The following NEO1 variants were observed in gnomAD, a reference collection of about 807,000 sequenced individuals.
NEO1 encodes the protein neogenin.
NEO1 carries 63 observed loss-of-function variants against 159.7 expected under a neutral mutation model. That is an observed-to-expected ratio of 0.39 (90% confidence interval 0.32 to 0.49). NEO1 has a LOEUF of 0.49. NEO1 is among the 20% of genes least tolerant of loss of function. The probability of loss-of-function intolerance (pLI) is 0.85; values close to 1 mark genes in which losing one functional copy is unlikely to be tolerated. For synonymous variants in NEO1, 633 were observed against 662.0 expected (o/e 0.96, Z 0.67); for missense variants, 1,615 against 1,831.0 (o/e 0.88, Z 2.15).
chr15:73,073,673 G>C (rs1044614110), intron 1 of NEO1, among the ~76,000 whole-genome samples: 2 of 152,084 alleles, frequency 1.3e-5, no homozygotes, highest in Non-Finnish European at 1.5e-5. Flanking sequence ...AAGAACAGGT[G>C]AATATTATTG....
chr15:73,236,311 C>A, intron 7 of NEO1, 36 bp from the exon 8 acceptor site: 1 of 1,614,074 alleles, frequency 6.2e-7, no homozygotes, highest in East Asian at 2.2e-5. Context: ...ACATTACCTC[C>A]CACTTCACTG....
intron 7 of NEO1, among the ~76,000 whole-genome samples, chr15:73,230,559 AT>A (rs1440670295): frequency 6.6e-6 from 1 of 152,202 alleles, no homozygotes; most frequent in South Asian, 2.1e-4. Flanking sequence ...GCATCCTGTA[AT>A]TTTTAATACA....
chr15:73,210,062 A>G (rs567477872), intron 7 of NEO1, among the ~76,000 whole-genome samples: 2 of 152,312 alleles, frequency 1.3e-5, no homozygotes, highest in Admixed American at 6.5e-5. Flanking sequence ...ACATTGCCAT[A>G]TAGATCCTAT....
At chr15:73,174,812 A>G (rs951418973) in intron 5 of NEO1, among the ~76,000 whole-genome samples, 1 of 152,240 alleles carries the variant, frequency 6.6e-6, no homozygotes, top group African/African-American at 2.4e-5. Context: ...AAAAGAATAA[A>G]TACAAAAGGC....
chr15:73,215,238 CT>C (rs1160466415), intron 7 of NEO1, among the ~76,000 whole-genome samples: 2 of 152,180 alleles, frequency 1.3e-5, no homozygotes, highest in Admixed American at 1.3e-4. Context: ...GACAGTTTGA[CT>C]TCCTCTTTAC....
chr15:73,164,833 A>G (rs1441644411), intron 5 of NEO1, among the ~76,000 whole-genome samples: 3 of 152,248 alleles, frequency 2.0e-5, no homozygotes, highest in South Asian at 4.1e-4. Context: ...TTGACCTACT[A>G]TGCTATATAT....
intron 5 of NEO1, among the ~76,000 whole-genome samples, chr15:73,172,743 C>G (rs2035045728): frequency 6.6e-6 from 1 of 152,202 alleles, no homozygotes; most frequent in South Asian, 2.1e-4. Flanking sequence ...AACAGATAAG[C>G]ACTACACTGG....
intron 4 of NEO1, among the ~76,000 whole-genome samples, chr15:73,132,684 A>T (rs1411947389): frequency 6.6e-6 from 1 of 152,190 alleles, no homozygotes; most frequent in Non-Finnish European, 1.5e-5. Flanking sequence ...CAAACAAATC[A>T]GTGAGAAAAA....
At chr15:73,124,187 G>C (rs1050178934) in intron 3 of NEO1, among the ~76,000 whole-genome samples, 1 of 151,900 alleles carries the variant, frequency 6.6e-6, no homozygotes, top group South Asian at 2.1e-4. Context: ...CTCAGCCTAC[G>C]AGTAGCTGGG....
intron 26 of NEO1, 90 bp from the exon 27 acceptor site, chr15:73,298,258 T>A: frequency 1.3e-6 from 2 of 1,535,600 alleles, no homozygotes; most frequent in Non-Finnish European, 1.8e-6. Flanking sequence ...ATTGAGCTGG[T>A]TTAGGGAACC....
chr15:73,265,883 C>T lies in NEO1; in HGVS notation c.2399-433C>T, dbSNP rs571281858. Among the ~76,000 whole-genome samples, 123 of 152,366 alleles carry T rather than the reference C, an allele frequency of 8.1e-4. 1 individual carries two copies. The highest frequency in any genetic ancestry group is 3.9e-3 in the South Asian group (19 of 4,828). On this transcript the variant is annotated intron_variant, in intron 15 of 28. Coordinates refer to ENST00000261908, the MANE Select transcript of NEO1 (RefSeq NM_002499.4). ...AGAGTCAAGGACATTGAGCACTTAA[C>T]TGACTTAACAGTTTATCTCCTTCTT...
chr15:73,053,307 C>T (rs2067550826), intron 1 of NEO1, among the ~76,000 whole-genome samples: 1 of 152,146 alleles, frequency 6.6e-6, no homozygotes, highest in African/African-American at 2.4e-5. Flanking sequence ...AGGGACTCCT[C>T]GCGCGGGGAT....
intron 1 of NEO1, among the ~76,000 whole-genome samples, chr15:73,102,819 C>G (rs2070476136): frequency 2.0e-5 from 3 of 152,188 alleles, no homozygotes; most frequent in African/African-American, 7.2e-5. Context: ...ATTCTTCATT[C>G]TGAATCTCTC....
intron 7 of NEO1, among the ~76,000 whole-genome samples, chr15:73,199,220 G>GT (rs2152045958): frequency 6.6e-6 from 1 of 151,022 alleles, no homozygotes; most frequent in Non-Finnish European, 1.5e-5. Context: ...TGGGATATGG[G>GT]TTTTTGAGAG....
chr15:73,165,700 T>G (rs1055808204), intron 5 of NEO1, among the ~76,000 whole-genome samples: 1 of 152,136 alleles, frequency 6.6e-6, no homozygotes, highest in Non-Finnish European at 1.5e-5. Context: ...AACAAAAGTT[T>G]AATAAGTGAA....
chr15:73,268,213 G>A (rs1192444342), intron 16 of NEO1, among the ~76,000 whole-genome samples: 1 of 152,042 alleles, frequency 6.6e-6, no homozygotes, highest in Non-Finnish European at 1.5e-5. Context: ...TTACAAAAAG[G>A]AGCAAAAATT....
intron 1 of NEO1, among the ~76,000 whole-genome samples, chr15:73,064,317 G>A (rs558493902): frequency 6.6e-6 from 1 of 152,280 alleles, no homozygotes; most frequent in African/African-American, 2.4e-5. Context: ...CTCATGTTTT[G>A]TGCTCATATG....
intron 22 of NEO1, among the ~76,000 whole-genome samples, chr15:73,279,350 G>GTTTTTTTTTTTTTTTT (rs1567679061): frequency 3.4e-5 from 2 of 58,130 alleles, no homozygotes; most frequent in Non-Finnish European, 1.1e-4. Flanking sequence ...TTTTGGTTTT[G>GTTTTTTTTTTTTTTTT]GTTTTTTTTT....
chr15:73,282,941 A>G, intron 22 of NEO1, 23 bp from the exon 23 acceptor site: 4 of 1,611,692 alleles, frequency 2.5e-6, no homozygotes, highest in South Asian at 1.1e-5. Context: ...ACCCTAACAC[A>G]TGTACCATTT....
Sources: allele counts gnomAD v4.1 joint callset (sites outside exome capture counted in the v4.1 genomes callset), GRCh38; gene constraint gnomAD v4.1.1; transcripts MANE v1.5; gene names NCBI Gene and HGNC (gene_info 2026-07-23, HGNC 2026-07-21).